ARHGAP15: variants seen among roughly 807,000 people sequenced by gnomAD.
The protein encoded by ARHGAP15 is Rho GTPase activating protein 15.
A neutral mutation model predicts 63.7 loss-of-function variants in ARHGAP15; 51 were observed. That is an observed-to-expected ratio of 0.80 (90% CI 0.64 to 1.01). ARHGAP15 has a LOEUF of 1.01. Among genes scored for constraint, ARHGAP15 ranks in the 50% least tolerant of loss-of-function variants. The pLI, the probability that ARHGAP15 is intolerant of heterozygous loss-of-function variation, is 0.00. For synonymous variants in ARHGAP15, 191 were observed against 193.8 expected (o/e 0.99, Z 0.12); for missense variants, 560 against 564.6 (o/e 0.99, Z 0.08).
intron 12 of ARHGAP15, among the ~76,000 whole-genome samples, chr2:143,631,974 T>C (rs1225184856): frequency 6.6e-6 from 1 of 152,090 alleles, no homozygotes; most frequent in African/African-American, 2.4e-5. Context: ...TTAAATATAT[T>C]CTGCCTTAAG....
intron 10 of ARHGAP15, among the ~76,000 whole-genome samples, chr2:143,524,227 C>T (rs776779662): frequency 1.7e-4 from 26 of 151,990 alleles, no homozygotes; most frequent in Admixed American, 7.9e-4. Context: ...TTTTTGCTGT[C>T]GTTTGTTTGA....
At chr2:143,284,276 C>T (rs951884809) in intron 6 of ARHGAP15, among the ~76,000 whole-genome samples, 1 of 152,186 alleles carries the variant, frequency 6.6e-6, no homozygotes, top group East Asian at 1.9e-4. Flanking sequence ...TTTTACTCAG[C>T]GCCACCTAAT....
intron 10 of ARHGAP15, among the ~76,000 whole-genome samples, chr2:143,553,566 C>T (rs1695663953): frequency 6.6e-6 from 1 of 152,204 alleles, no homozygotes; most frequent in Non-Finnish European, 1.5e-5. Context: ...CCTGTCTCCA[C>T]CAGCTGTGCT....
At chr2:143,566,119 C>T (rs554421939) in intron 11 of ARHGAP15, among the ~76,000 whole-genome samples, 45 of 152,186 alleles carry the variant, frequency 3.0e-4, no homozygotes, top group African/African-American at 1.1e-3. Context: ...TCCCCAAGCA[C>T]AACGTGAAAA....
intron 9 of ARHGAP15, among the ~76,000 whole-genome samples, chr2:143,489,695 T>A (rs1256130443): frequency 6.6e-6 from 1 of 152,180 alleles, no homozygotes; most frequent in South Asian, 2.1e-4. Flanking sequence ...TTAAGAAAAA[T>A]TGCATACAAT....
At chr2:143,243,061 A>G (rs1408105783) in intron 5 of ARHGAP15, among the ~76,000 whole-genome samples, 1 of 152,226 alleles carries the variant, frequency 6.6e-6, no homozygotes, top group Non-Finnish European at 1.5e-5. Flanking sequence ...TAATAAGGGT[A>G]AGAGGCTGTG....
intron 8 of ARHGAP15, among the ~76,000 whole-genome samples, chr2:143,451,432 A>G (rs139071183): frequency 0.016 from 2,502 of 152,020 alleles, 65 homozygotes; most frequent in African/African-American, 0.056. Context: ...CTGAAAAGGT[A>G]AATTTAACAT....
At chr2:143,157,692 T>G (rs1690136509) in intron 2 of ARHGAP15, among the ~76,000 whole-genome samples, 1 of 151,688 alleles carries the variant, frequency 6.6e-6, no homozygotes, top group South Asian at 2.1e-4. Flanking sequence ...TGGCACTAAT[T>G]TTCTTTCTGT....
intron 13 of ARHGAP15, among the ~76,000 whole-genome samples, chr2:143,764,930 G>A (rs900560893): frequency 3.9e-5 from 6 of 152,092 alleles, no homozygotes; most frequent in African/African-American, 1.4e-4. Context: ...CTTCAATACA[G>A]TCTTGCTTTT....
chr2:143,242,144 C>T (rs905395859), intron 5 of ARHGAP15, among the ~76,000 whole-genome samples: 3 of 152,208 alleles, frequency 2.0e-5, no homozygotes, highest in Admixed American at 6.5e-5. Flanking sequence ...AGCCAGGTCC[C>T]ACTCCTGCAA....
chr2:143,274,574 A>G (rs1017172346), intron 6 of ARHGAP15, among the ~76,000 whole-genome samples: 2 of 152,246 alleles, frequency 1.3e-5, no homozygotes, highest in Non-Finnish European at 2.9e-5. Context: ...CCTTGTTATC[A>G]GGTTGTATGA....
intron 11 of ARHGAP15, among the ~76,000 whole-genome samples, chr2:143,580,996 G>C (rs1327611596): frequency 6.6e-6 from 1 of 152,144 alleles, no homozygotes; most frequent in Non-Finnish European, 1.5e-5. Flanking sequence ...GTAGTATCTT[G>C]TGATCATCAC....
chr2:143,564,426 AT>A (rs1171983019), intron 11 of ARHGAP15, among the ~76,000 whole-genome samples: 1 of 152,138 alleles, frequency 6.6e-6, no homozygotes, highest in African/African-American at 2.4e-5. Context: ...AAAAATAAAT[AT>A]TTTTGAAGCT....
In ARHGAP15 at chr2:143,487,431, A is replaced by G; in HGVS notation, c.762A>G (p.Arg254=). The change falls in exon 9 of 14, where the codon AGA becomes AGG. Residue 254 remains arginine, a synonymous_variant. Transcript: ENST00000295095. ...GCGACAAAAATCGAGTTAAAAGCAG[A>G]TTAAAGAAGTTTATTACCCGAAGAC... is the stretch of plus-strand genomic sequence containing the variant. ...DTSDKNRVKS[R]LKKFITRRPS... 7.4e-6 allele frequency: 12 copies of G among 1,613,980 alleles called. No homozygotes were observed. Among genetic ancestry groups the G allele is most frequent in the Non-Finnish European group, 1.0e-5 (12 of 1,179,932 alleles).
At chr2:143,333,175 T>A (rs948813461) in intron 6 of ARHGAP15, among the ~76,000 whole-genome samples, 2 of 152,060 alleles carry the variant, frequency 1.3e-5, no homozygotes, top group African/African-American at 4.8e-5. Context: ...GAGAGAAAAA[T>A]TCCAAATGTG....
At chr2:143,561,224 G>T (rs550283345) in intron 11 of ARHGAP15, among the ~76,000 whole-genome samples, 1 of 152,100 alleles carries the variant, frequency 6.6e-6, no homozygotes, top group South Asian at 2.1e-4. Context: ...TAGGCTTATT[G>T]CCCAAACTAC....
At chr2:143,686,106 G>A (rs1406294030) in intron 12 of ARHGAP15, among the ~76,000 whole-genome samples, 1 of 151,980 alleles carries the variant, frequency 6.6e-6, no homozygotes, top group Non-Finnish European at 1.5e-5. Context: ...GCCAGAAATT[G>A]GATGTAGAAA....
At chr2:143,725,662 G>A (rs1453861225) in intron 13 of ARHGAP15, among the ~76,000 whole-genome samples, 1 of 152,172 alleles carries the variant, frequency 6.6e-6, no homozygotes, top group African/African-American at 2.4e-5. Flanking sequence ...AACAGTAAAA[G>A]ATACCTTAAG....
At chr2:143,730,611 T>C (rs1276518501) in intron 13 of ARHGAP15, among the ~76,000 whole-genome samples, 1 of 152,038 alleles carries the variant, frequency 6.6e-6, no homozygotes, top group Non-Finnish European at 1.5e-5. Context: ...CAGCTAGAAA[T>C]AGAGTTCAAA....
Sources: gnomAD v4.1 joint callset for allele counts (sites outside exome capture counted in the v4.1 genomes callset) on GRCh38, gnomAD v4.1.1 for gene constraint, MANE v1.5 for transcripts, NCBI Gene and HGNC (gene_info 2026-07-23, HGNC 2026-07-21) for gene names.